The following TMEM94 variants were observed in gnomAD, a reference collection of about 807,000 sequenced individuals.
The protein encoded by TMEM94 is transmembrane protein 94, also known as ER Mg2+ ATPase.
TMEM94 carries 81 observed loss-of-function variants against 158.6 expected under a neutral mutation model. That is an observed-to-expected ratio of 0.51 (90% CI 0.43 to 0.61). The LOEUF (loss-of-function observed/expected upper bound fraction) is 0.61, where lower values mean the gene tolerates loss of function less well. Ranked by LOEUF, TMEM94 falls within the 20% of genes least tolerant of loss-of-function variation. The pLI is 0.00. For missense variants in TMEM94, 1,435 were observed against 1,762.0 expected (o/e 0.81, Z 3.32); for synonymous variants, 751 against 730.7 (o/e 1.03, Z -0.45).
In TMEM94 at chr17:75,456,723, G is replaced by C. The variant is rs1227659424; in HGVS notation, c.-135G>C. The stretch of plus-strand genomic sequence containing the variant: ...AGGGGGTTGGGAGGGGAGAGGACGC[G>C]GGCGAGGAAGACCAGCCCCGGGGCC... On this transcript the variant is annotated 5_prime_UTR_variant, in exon 1 of 32. Transcript: ENST00000314256. 6.6e-6 allele frequency: 1 copy of C among 152,332 alleles called. No individual in the cohort carries two copies. Among genetic ancestry groups the C allele is most frequent in the Non-Finnish European group, 1.5e-5 (1 of 68,126 alleles). 9.4% of individuals were successfully genotyped at this position (152,332 alleles called of 1,614,324 possible). A position where few individuals can be genotyped will look rare whatever the true frequency, so the allele number is the denominator to read the frequency against.
chr17:75,494,958 T>C lies in TMEM94; in HGVS notation c.2652T>C (p.Asn884=). 1.2e-6 allele frequency: 2 copies of C among 1,612,996 alleles called. No homozygotes were observed. The highest frequency in any genetic ancestry group is 2.7e-5 in the African/African-American group (2 of 74,950). The change falls in exon 20 of 32, where the codon AAT becomes AAC. Residue 884 remains asparagine, a synonymous_variant. Transcript: ENST00000314256. ...GWNCHISLTP[N]GDMPGSEIPP... ...ACTGCCACATCTCCCTCACACCCAA[T>C]GGTGACATGCCTGGCTCCGAGATCC...
rs2052614354 is a variant in TMEM94, at chr17:75,495,700, C to A, written c.2944+57C>A. The A allele has an allele frequency of 2.6e-6, 4 of 1,538,112 alleles. No individual in the cohort carries two copies. Among genetic ancestry groups the A allele is most frequent in the Non-Finnish European group, 3.6e-6 (4 of 1,114,404 alleles). On this transcript the variant is annotated intron_variant, in intron 22 of 31. Transcript: ENST00000314256. The surrounding 1 kb of genome is among the most constrained non-coding windows in gnomAD (Gnocchi z 5.6). ...CCTGGTCCCGTCGGCTGAGCTCTGCCTGGGCCTGCGTACCCCGTGGGCTCT... is the reference window on the plus strand; with the variant it reads ...CCTGGTCCCGTCGGCTGAGCTCTGCATGGGCCTGCGTACCCCGTGGGCTCT...
chr17:75,499,450 A>C lies in TMEM94; in HGVS notation c.*116A>C. 1.0e-6 allele frequency: 1 copy of C among 992,946 alleles called. No individual in the cohort carries two copies. Among genetic ancestry groups the C allele is most frequent in the South Asian group, 1.5e-5 (1 of 68,274 alleles). 61.5% of individuals were successfully genotyped at this position (992,946 alleles called of 1,614,324 possible). ...CCAGGTTTGCTCCTGCACCCGTGGCACTGGAAACCCAGCTCCCCGTGTCAG... is the reference window on the plus strand; with the variant it reads ...CCAGGTTTGCTCCTGCACCCGTGGCCCTGGAAACCCAGCTCCCCGTGTCAG... On this transcript the variant is annotated 3_prime_UTR_variant, in exon 32 of 32. Transcript: ENST00000314256.
chr17:75,464,603 T>TTTCC (rs1291353011), intron 1 of TMEM94, among the ~76,000 whole-genome samples: 2 of 57,906 alleles, frequency 3.5e-5, no homozygotes, highest in Admixed American at 1.6e-4. Context: ...TCTTTCTTTC[T>TTTCC]TTCCTTCCTT....
Position 75,496,733 on chromosome 17 carries a change from C to A in TMEM94, c.3247C>A (p.Arg1083=). 5 of 1,613,770 alleles carry A rather than the reference C, an allele frequency of 3.1e-6. No individual in the cohort carries two copies. ...ATCTGTCCCTCTTGGTCCCTAGGCT[C>A]GGCATGCCACCTATGGCATCCGTAA... ...ISIIRLIEQA[R]HATYGIRKCF... The change falls in exon 25 of 32, where the codon CGG becomes AGG. Residue 1083 remains arginine (R), a synonymous_variant. Coordinates refer to ENST00000314256, the MANE Select transcript of TMEM94 (RefSeq NM_014738.6).
At chr17:75,488,518 G>C (rs2051830047) in intron 6 of TMEM94, among the ~76,000 whole-genome samples, 1 of 152,170 alleles carries the variant, frequency 6.6e-6, no homozygotes, top group South Asian at 2.1e-4. Flanking sequence ...CTGACCTCAG[G>C]TGATCCACCT....
At chr17:75,478,024 TTTTTTTTTTG>T (rs2050819124) in intron 2 of TMEM94, among the ~76,000 whole-genome samples, 2 of 113,626 alleles carry the variant, frequency 1.8e-5, no homozygotes, top group African/African-American at 7.2e-5. Flanking sequence ...TTTTTTTTTT[TTTTTTTTTTG>T]AGACGGAGTC....
In TMEM94 at chr17:75,499,442, C is replaced by G; in HGVS notation, c.*108C>G. On this transcript the variant is annotated 3_prime_UTR_variant, in exon 32 of 32. Transcript: ENST00000314256. The stretch of plus-strand genomic sequence containing the variant: ...GAATGTTTCCAGGTTTGCTCCTGCA[C>G]CCGTGGCACTGGAAACCCAGCTCCC... The G allele has an allele frequency of 1.8e-6, 2 of 1,096,156 alleles. No individual in the cohort carries two copies. Among genetic ancestry groups the G allele is most frequent in the Non-Finnish European group, 2.7e-6 (2 of 742,366 alleles). 67.9% of individuals were successfully genotyped at this position (1,096,156 alleles called of 1,614,324 possible). A position where few individuals can be genotyped will look rare whatever the true frequency, so the allele number is the denominator to read the frequency against.
At chr17:75,463,577 C>G (rs1191372665) in intron 1 of TMEM94, among the ~76,000 whole-genome samples, 1 of 152,106 alleles carries the variant, frequency 6.6e-6, no homozygotes, top group Non-Finnish European at 1.5e-5. Context: ...GTTAATGCAG[C>G]CTAAATGTGA....
At chr17:75,459,047 A>G (rs1176504500) in intron 1 of TMEM94, among the ~76,000 whole-genome samples, 4 of 149,316 alleles carry the variant, frequency 2.7e-5, no homozygotes. Flanking sequence ...ACACAGCGAG[A>G]CTCCGTCTCA....
Position 75,495,450 on chromosome 17 carries a change from G to C in TMEM94, c.2844+51G>C. ...TGTTCCTGTAGTGGTCCCATAGCTGGTCCAGGGGAGAGGTAGAGAGGTGGT... is the reference window on the plus strand; with the variant it reads ...TGTTCCTGTAGTGGTCCCATAGCTGCTCCAGGGGAGAGGTAGAGAGGTGGT... On this transcript the variant is annotated intron_variant, in intron 21 of 31. Coordinates refer to ENST00000314256, the MANE Select transcript of TMEM94 (RefSeq NM_014738.6). The surrounding 1 kb of genome is among the most constrained non-coding windows in gnomAD (Gnocchi z 5.6). 6.3e-7 allele frequency: 1 copy of C among 1,590,208 alleles called. No homozygotes were observed. The highest frequency in any genetic ancestry group is 8.6e-7 in the Non-Finnish European group (1 of 1,159,170).
chr17:75,495,956 C>T lies in TMEM94; in HGVS notation c.2945-10C>T. The T allele has an allele frequency of 1.2e-6, 2 of 1,603,082 alleles. No homozygotes were observed. Among genetic ancestry groups the T allele is most frequent in the African/African-American group, 2.7e-5 (2 of 74,830 alleles). The stretch of plus-strand genomic sequence containing the variant: ...TGCCTGACTCTGGTGCCCTTATACG[C>T]TGTCCTCAGCCATGTGTGAGATGAT... On this transcript the variant is annotated splice_polypyrimidine_tract_variant and intron_variant, in intron 22 of 31. Coordinates refer to ENST00000314256, the MANE Select transcript of TMEM94 (RefSeq NM_014738.6). This position sits in a 1 kb window ranked among gnomAD's most constrained non-coding sequence, Gnocchi z 5.6.
At chr17:75,467,382 C>A (rs970116013) in intron 1 of TMEM94, among the ~76,000 whole-genome samples, 1 of 105,120 alleles carries the variant, frequency 9.5e-6, no homozygotes, top group Non-Finnish European at 2.6e-5. Context: ...CTATATCCTG[C>A]AGCTTTGCAC....
At position 75,495,358 on chromosome 17, in the gene TMEM94, AC is replaced by A. The variant is rs1567972068; in HGVS notation, c.2804del (p.Thr935ArgfsTer37). ...GHSDLISFQP[T>X]DSDIPSFLED... ...CTCGGACCTCATCAGCTTCCAGCCT[AC>A]GGACAGCGACATCCCCAGCTTCCTG... On this transcript the variant is annotated frameshift_variant, in exon 21 of 32. Coordinates refer to ENST00000314256, the MANE Select transcript of TMEM94 (RefSeq NM_014738.6). LOFTEE classifies it high-confidence loss of function. The surrounding 1 kb of genome is among the most constrained non-coding windows in gnomAD (Gnocchi z 5.6). 1.2e-6 allele frequency: 2 copies of A among 1,613,884 alleles called. No individual in the cohort carries two copies. Among genetic ancestry groups the A allele is most frequent in the Non-Finnish European group, 8.5e-7 (1 of 1,179,972 alleles).
chr17:75,459,316 G>C (rs941831351), intron 1 of TMEM94, among the ~76,000 whole-genome samples: 1 of 152,156 alleles, frequency 6.6e-6, no homozygotes, highest in African/African-American at 2.4e-5. Context: ...AAATAATTGA[G>C]AGTTAACTGC....
intron 2 of TMEM94, among the ~76,000 whole-genome samples, chr17:75,477,596 A>C (rs1217486203): frequency 6.6e-6 from 1 of 152,168 alleles, no homozygotes; most frequent in Non-Finnish European, 1.5e-5. Flanking sequence ...CTGAAGGTCA[A>C]GGTCTAAATT....
At chr17:75,478,984 T>C (rs1598354469) in intron 2 of TMEM94, among the ~76,000 whole-genome samples, 1 of 152,200 alleles carries the variant, frequency 6.6e-6, no homozygotes, top group East Asian at 1.9e-4. Context: ...GTTTCTCAGA[T>C]AATAAGAACT....
At chr17:75,465,555 C>T (rs555325999) in intron 1 of TMEM94, among the ~76,000 whole-genome samples, 6 of 151,478 alleles carry the variant, frequency 4.0e-5, no homozygotes, top group African/African-American at 1.5e-4. Context: ...CTCAGCCTCC[C>T]AAGTAGCTAA....
chr17:75,474,436 T>C (rs1290216187), intron 2 of TMEM94, among the ~76,000 whole-genome samples: 1 of 150,640 alleles, frequency 6.6e-6, no homozygotes, highest in African/African-American at 2.4e-5. Context: ...AGGTCAGGAG[T>C]TCAAGAACAG....
Sources: allele counts gnomAD v4.1 joint callset (sites outside exome capture counted in the v4.1 genomes callset), GRCh38; gene constraint gnomAD v4.1.1; non-coding constraint Gnocchi (gnomAD v3.1); transcripts MANE v1.5; gene names NCBI Gene and HGNC (gene_info 2026-07-23, HGNC 2026-07-21).